The following GOLM1 variants were observed in gnomAD, a reference collection of about 807,000 sequenced individuals.
The protein encoded by GOLM1 is epididymis luminal protein 46.
GOLM1 carries 31 observed loss-of-function variants against 50.5 expected under a neutral mutation model. That is an observed-to-expected ratio of 0.61 (90% confidence interval 0.46 to 0.83). The LOEUF is 0.83. Among genes scored for constraint, GOLM1 ranks in the 40% least tolerant of loss-of-function variants. The pLI, the probability that GOLM1 is intolerant of heterozygous loss-of-function variation, is 0.00. For missense variants in GOLM1, 491 were observed against 501.3 expected (o/e 0.98, Z 0.20); for synonymous variants, 178 against 192.8 (o/e 0.92, Z 0.64).
At chr9:86,084,393 C>T (rs371360681) in intron 1 of GOLM1, among the ~76,000 whole-genome samples, 17 of 152,224 alleles carry the variant, frequency 1.1e-4, no homozygotes, top group African/African-American at 2.9e-4. Flanking sequence ...ATCACATACC[C>T]CCTGATATGG....
chr9:86,096,180 T>C (rs1185942456), intron 1 of GOLM1, among the ~76,000 whole-genome samples: 2 of 149,834 alleles, frequency 1.3e-5, no homozygotes, highest in South Asian at 4.2e-4. Context: ...TCGATAGGTT[T>C]TTTTTTTTTT....
chr9:86,070,712 G>A (rs1028247658), intron 3 of GOLM1, among the ~76,000 whole-genome samples: 1 of 152,300 alleles, frequency 6.6e-6, no homozygotes, highest in Non-Finnish European at 1.5e-5. Context: ...TACATGGACT[G>A]AGATTCCCAT....
Position 86,079,211 on chromosome 9 carries a change from G to A in GOLM1, c.110C>T (p.Ser37Phe). Residue 37 changes from serine to phenylalanine, a missense_variant, in exon 2 of 10, where the codon TCC becomes TTC. Physicochemically the swap from Ser to Phe is radical, Grantham distance 155. Coordinates refer to ENST00000388712, the MANE Select transcript of GOLM1 (RefSeq NM_016548.4). Reference protein sequence around the residue: ...VLGFNYWIASSRSVDLQTRIM... With the variant: ...VLGFNYWIASFRSVDLQTRIM... ...AAACACCTGGAGGTCCACGCTCCGG[G>A]AGCTCGCAATCCAGTAGTTGAAGCC... 1.3e-6 allele frequency: 2 copies of A among 1,597,806 alleles called. No individual in the cohort carries two copies. The highest frequency in any genetic ancestry group is 2.2e-5 in the East Asian group (1 of 44,538).
intron 1 of GOLM1, among the ~76,000 whole-genome samples, chr9:86,099,063 A>C (rs1295858123): frequency 3.3e-5 from 5 of 152,294 alleles, no homozygotes; most frequent in East Asian, 1.9e-4. Flanking sequence ...TTGACTTTGG[A>C]TGCCGACGCG....
At chr9:86,041,701 G>A (rs983923778) in intron 5 of GOLM1, among the ~76,000 whole-genome samples, 1 of 152,180 alleles carries the variant, frequency 6.6e-6, no homozygotes, top group African/African-American at 2.4e-5. Context: ...GCTGTAGCCA[G>A]CCAGGCAGAA....
At position 86,077,585 on chromosome 9, in the gene GOLM1, T is replaced by G; in HGVS notation, c.136A>C (p.Ile46Leu). Residue 46 changes from isoleucine (I) to leucine (L), a missense_variant, in exon 3 of 10, where the codon ATC becomes CTC. Coordinates refer to ENST00000388712, the MANE Select transcript of GOLM1 (RefSeq NM_016548.4). ...CGGACCCTGCCTTCCAGCTCCATGA[T>G]CCGTGTCTACAAGGAGACCGTGGCA... ...SSRSVDLQTR[I>L]MELEGRVRRA... 1 of 1,612,700 alleles carries G rather than the reference T, an allele frequency of 6.2e-7. No homozygotes were observed. The highest frequency in any genetic ancestry group is 8.5e-7 in the Non-Finnish European group (1 of 1,178,976).
chr9:86,088,054 G>A (rs1052232045), intron 1 of GOLM1, among the ~76,000 whole-genome samples: 5 of 152,118 alleles, frequency 3.3e-5, no homozygotes, highest in Admixed American at 6.5e-5. Flanking sequence ...ATTTGGCTGT[G>A]ATTCCGTCTG....
In GOLM1 at chr9:86,026,826, T is replaced by A; in HGVS notation, c.*991A>T. 1 of 977,086 alleles carries A rather than the reference T, an allele frequency of 1.0e-6. No individual in the cohort carries two copies. Among genetic ancestry groups the A allele is most frequent in the Non-Finnish European group, 1.2e-6 (1 of 822,320 alleles). The allele number at this position is 977,086 out of a possible 1,614,324, so 60.5% of individuals were successfully genotyped here. A position where few individuals can be genotyped will look rare whatever the true frequency, so the allele number is the denominator to read the frequency against. The stretch of plus-strand genomic sequence containing the variant: ...AGTCATTTACCACAAGCTAAATGTG[T>A]ACACTATGATAAAAACAACCATTGT... On this transcript the variant is annotated 3_prime_UTR_variant, in exon 10 of 10. Transcript: ENST00000388712.
At chr9:86,093,019 G>A (rs1194611066) in intron 1 of GOLM1, among the ~76,000 whole-genome samples, 1 of 152,178 alleles carries the variant, frequency 6.6e-6, no homozygotes, top group Non-Finnish European at 1.5e-5. Flanking sequence ...ACTTAAATCA[G>A]CTAAACTCTG....
intron 1 of GOLM1, chr9:86,079,854 GTTTT>G (rs753785710): frequency 6.6e-6 from 1 of 151,962 alleles, no homozygotes; most frequent in Non-Finnish European, 1.5e-5. Context: ...AACAAGGGAG[GTTTT>G]TTTTACCCTT....
rs200568454 is a variant in GOLM1 at position 86,086,315 on chromosome 9, GT to G, written c.-21-6975del. On this transcript the variant is annotated intron_variant, in intron 1 of 9. Transcript: ENST00000388712. ...ATATCCTTCGCCCAGTTTTTGATGG[GT>G]TTTTTTTTCTTGTAACTTTAAGTTC... 5.3e-5 allele frequency among the ~76,000 whole-genome samples: 8 copies of G among 151,150 alleles called. No homozygotes were observed. The South Asian group carries it at 6.3e-4, about 12-fold the overall frequency.
chr9:86,028,847 T>A (rs1287188917), intron 9 of GOLM1, among the ~76,000 whole-genome samples: 7 of 144,222 alleles, frequency 4.9e-5, no homozygotes, highest in Non-Finnish European at 9.1e-5. Context: ...GGGAACTTTT[T>A]TTTTTTTTTT....
At chr9:86,085,006 C>T (rs962955597) in intron 1 of GOLM1, 2 of 152,264 alleles carry the variant, frequency 1.3e-5, no homozygotes, top group African/African-American at 2.4e-5. Flanking sequence ...GATCGCGCCA[C>T]TGCACTCCAG....
chr9:86,027,267 C>T lies in GOLM1; in HGVS notation c.*550G>A. 8.1e-6 allele frequency: 8 copies of T among 985,468 alleles called. No homozygotes were observed. Among genetic ancestry groups the T allele is most frequent in the Non-Finnish European group, 7.2e-6 (6 of 829,962 alleles). The allele number at this position is 985,468 out of a possible 1,614,324, so 61.0% of individuals were successfully genotyped here. On this transcript the variant is annotated 3_prime_UTR_variant, in exon 10 of 10. Coordinates refer to ENST00000388712, the MANE Select transcript of GOLM1 (RefSeq NM_016548.4). ...TAGACTTAAAGCTGTTGCTACTTTG[C>T]TAGTGACGTTTGTGTTAACAGTCAG...
chr9:86,067,668 C>T (rs887719554), intron 3 of GOLM1, among the ~76,000 whole-genome samples: 1 of 152,140 alleles, frequency 6.6e-6, no homozygotes, highest in Non-Finnish European at 1.5e-5. Flanking sequence ...AAATTCATGT[C>T]CATGTTGAAC....
Position 86,027,782 on chromosome 9 carries a change from C to G in GOLM1, c.*35G>C. On this transcript the variant is annotated 3_prime_UTR_variant, in exon 10 of 10. Transcript: ENST00000388712. ...CATGAACATTTTATAGTCATCTCTTCGGCCCTGTTGTGAAATATGTGATTC... is the reference window on the plus strand; with the variant it reads ...CATGAACATTTTATAGTCATCTCTTGGGCCCTGTTGTGAAATATGTGATTC... 1 of 1,604,540 alleles carries G rather than the reference C, an allele frequency of 6.2e-7. No individual in the cohort carries two copies.
rs1167214259 is a variant in GOLM1 at position 86,035,879 on chromosome 9, AAAAC to A, written c.758-258_758-255del. On this transcript the variant is annotated intron_variant, in intron 7 of 9. Coordinates refer to ENST00000388712, the MANE Select transcript of GOLM1 (RefSeq NM_016548.4). ...AAAGTAGCTTACCAAAAAAAAAAACAAAACAAAAAAAAAAAAACACCTGGACTAA... is the reference window on the plus strand; with the variant it reads ...AAAGTAGCTTACCAAAAAAAAAAACAAAAAAAAAAAAAACACCTGGACTAA... Among the ~76,000 whole-genome samples, 153 of 122,774 alleles carry A rather than the reference AAAAC, an allele frequency of 1.2e-3. 5 individuals are homozygous for A. In the South Asian group the frequency reaches 0.02, roughly 16 times the overall value. The allele number at this position is 122,774 out of a possible 152,430, so 80.5% of individuals were successfully genotyped here. A position where few individuals can be genotyped will look rare whatever the true frequency, so the allele number is the denominator to read the frequency against.
chr9:86,048,158 A>G (rs1833617199), intron 4 of GOLM1, among the ~76,000 whole-genome samples: 1 of 151,702 alleles, frequency 6.6e-6, no homozygotes, highest in Admixed American at 6.6e-5. Flanking sequence ...TTTGCTCAGA[A>G]TGATGGTTTC....
intron 6 of GOLM1, 67 bp downstream of exon 6, chr9:86,040,672 A>G: frequency 6.7e-7 from 1 of 1,491,488 alleles, no homozygotes; most frequent in Non-Finnish European, 9.1e-7. Context: ...GGCGGCACAT[A>G]AAAGAAACAA....
Sources: allele counts gnomAD v4.1 joint callset (sites outside exome capture counted in the v4.1 genomes callset), GRCh38; gene constraint gnomAD v4.1.1; transcripts MANE v1.5; gene names NCBI Gene and HGNC (gene_info 2026-07-23, HGNC 2026-07-21).